The following OR2T33 variants were observed in gnomAD, a reference collection of about 807,000 sequenced individuals.
The protein encoded by OR2T33 is olfactory receptor family 2 subfamily T member 33.
Under a neutral mutation model 14.0 loss-of-function variants are expected in OR2T33, and 10 were observed. That is an observed-to-expected ratio of 0.72 (90% CI 0.44 to 1.22). The LOEUF (loss-of-function observed/expected upper bound fraction) is 1.22, where lower values mean the gene tolerates loss of function less well. Among genes scored for constraint, OR2T33 ranks in the 50% most tolerant of loss-of-function variants. The pLI is 0.00. For synonymous variants in OR2T33, 103 were observed against 159.4 expected (o/e 0.65, Z 2.66); for missense variants, 276 against 405.9 (o/e 0.68, Z 2.75).
intron 1 of OR2T33, among the ~76,000 whole-genome samples, chr1:248,277,519 A>T (rs1659461096): frequency 6.6e-6 from 1 of 152,146 alleles, no homozygotes; most frequent in Admixed American, 6.6e-5. Flanking sequence ...TGACTTAATT[A>T]ACAACTTTAT....
At chr1:248,277,595 C>T (rs115627508) in intron 1 of OR2T33, among the ~76,000 whole-genome samples, 170 bp downstream of exon 1, 1,572 of 152,126 alleles carry the variant, frequency 0.01, 24 homozygotes, top group African/African-American at 0.036. Flanking sequence ...CAAAACACCC[C>T]GTGGATGACA....
chr1:248,277,487 C>T (rs767368468), intron 1 of OR2T33, among the ~76,000 whole-genome samples: 4 of 152,044 alleles, frequency 2.6e-5, no homozygotes, highest in African/African-American at 7.2e-5. Context: ...GAAAAGAATC[C>T]TCTAATACAA....
In OR2T33 at chr1:248,271,019, A is replaced by T. The variant is rs1005797378; in HGVS notation, c.*1833T>A. The T allele has an allele frequency of 1.3e-5, 2 of 152,216 alleles. No homozygotes were observed. Among genetic ancestry groups the T allele is most frequent in the Non-Finnish European group, 2.9e-5 (2 of 68,026 alleles). The allele number at this position is 152,216 out of a possible 1,614,324, so 9.4% of individuals were successfully genotyped here. Reference sequence around the variant, plus strand: ...TTACATATATCAATGACTGGTCAGCATCTAAGAAGGCACTGAACTTCATTA... The same window carrying T: ...TTACATATATCAATGACTGGTCAGCTTCTAAGAAGGCACTGAACTTCATTA... On this transcript the variant is annotated 3_prime_UTR_variant, in exon 2 of 2. Coordinates refer to ENST00000641220, the MANE Select transcript of OR2T33 (RefSeq NM_001004695.2).
In OR2T33 at chr1:248,271,589, C is replaced by G. The variant is rs573780873; in HGVS notation, c.*1263G>C. 3.3e-5 allele frequency: 5 copies of G among 152,250 alleles called. No individual in the cohort carries two copies. The East Asian group carries it at 7.7e-4, about 23-fold the overall frequency. The allele number at this position is 152,250 out of a possible 1,614,324, so 9.4% of individuals were successfully genotyped here. Reference sequence around the variant, plus strand: ...TATTACTGCTTTGGAACCTGAAGCTCTAGATGAAGCAGAAAACTCCTTTCA... The same window carrying G: ...TATTACTGCTTTGGAACCTGAAGCTGTAGATGAAGCAGAAAACTCCTTTCA... On this transcript the variant is annotated 3_prime_UTR_variant, in exon 2 of 2. Transcript: ENST00000641220.
chr1:248,270,456 CAT>C lies in OR2T33; in HGVS notation c.*2394_*2395del. 1 of 152,200 alleles carries C rather than the reference CAT, an allele frequency of 6.6e-6. No individual in the cohort carries two copies. Among genetic ancestry groups the C allele is most frequent in the African/African-American group, 2.4e-5 (1 of 41,532 alleles). 9.4% of individuals were successfully genotyped at this position (152,200 alleles called of 1,614,324 possible). ...GTGAAAGAAGCCAGACATAAAAGCT[CAT>C]ATCTTTTATGATTCCGTTTACATAA... On this transcript the variant is annotated 3_prime_UTR_variant, in exon 2 of 2. Coordinates refer to ENST00000641220, the MANE Select transcript of OR2T33 (RefSeq NM_001004695.2).
At position 248,270,558 on chromosome 1, in the gene OR2T33, A is replaced by T. The variant is rs1300331687; in HGVS notation, c.*2294T>A. 1.3e-5 allele frequency: 2 copies of T among 152,136 alleles called. No homozygotes were observed. The highest frequency in any genetic ancestry group is 4.8e-5 in the African/African-American group (2 of 41,414). The allele number at this position is 152,136 out of a possible 1,614,324, so 9.4% of individuals were successfully genotyped here. On this transcript the variant is annotated 3_prime_UTR_variant, in exon 2 of 2. Coordinates refer to ENST00000641220, the MANE Select transcript of OR2T33 (RefSeq NM_001004695.2). ...GCTAGGGGCTGAAATGGGGAGAAAA[A>T]CTGCTTAATGGATGAGGGGTTTTAC...
rs1166496386 is a variant in OR2T33 at position 248,270,005 on chromosome 1, A to T, written c.*2847T>A. On this transcript the variant is annotated 3_prime_UTR_variant, in exon 2 of 2. Coordinates refer to ENST00000641220, the MANE Select transcript of OR2T33 (RefSeq NM_001004695.2). ...TGAGGCAGTATTCACAACAGCAAAG[A>T]CTTGGAACCAACACAAATTTCCAGC... is the stretch of plus-strand genomic sequence containing the variant. 3 of 152,190 alleles carry T rather than the reference A, an allele frequency of 2.0e-5. No homozygotes were observed. Among genetic ancestry groups the T allele is most frequent in the Non-Finnish European group, 4.4e-5 (3 of 68,050 alleles). The allele number at this position is 152,190 out of a possible 1,614,324, so 9.4% of individuals were successfully genotyped here.
At chr1:248,277,340 G>A (rs1220992121) in intron 1 of OR2T33, among the ~76,000 whole-genome samples, 4 of 151,914 alleles carry the variant, frequency 2.6e-5, no homozygotes. Context: ...TCACTGTTCT[G>A]GAACAATAGA....
In OR2T33 at chr1:248,272,591, T is replaced by C; in HGVS notation, c.*261A>G. On this transcript the variant is annotated 3_prime_UTR_variant, in exon 2 of 2. Coordinates refer to ENST00000641220, the MANE Select transcript of OR2T33 (RefSeq NM_001004695.2). Reference sequence around the variant, plus strand: ...TGCATTAATTTCTTTTTTTAGAAAGTAGGAGATATTGTCAACAGTACTTAT... The same window carrying C: ...TGCATTAATTTCTTTTTTTAGAAAGCAGGAGATATTGTCAACAGTACTTAT... 2.5e-6 allele frequency: 1 copy of C among 393,712 alleles called. No homozygotes were observed. The allele number at this position is 393,712 out of a possible 1,614,324, so 24.4% of individuals were successfully genotyped here.
rs1232406654 is a variant in OR2T33 at position 248,272,221 on chromosome 1, AAT to A, written c.*629_*630del. On this transcript the variant is annotated 3_prime_UTR_variant, in exon 2 of 2. Transcript: ENST00000641220. ...ATTACAATGAGGCCCTGGAAAAAAA[AAT>A]ACTTAAATGAAAGGTTACATAAATT... 2.0e-5 allele frequency: 3 copies of A among 152,210 alleles called. No individual in the cohort carries two copies. Among genetic ancestry groups the A allele is most frequent in the African/African-American group, 4.8e-5 (2 of 41,448 alleles). 9.4% of individuals were successfully genotyped at this position (152,210 alleles called of 1,614,324 possible).
intron 1 of OR2T33, among the ~76,000 whole-genome samples, chr1:248,275,794 A>G (rs977866597): frequency 6.6e-6 from 1 of 151,960 alleles, no homozygotes; most frequent in Admixed American, 6.6e-5. Flanking sequence ...TAGGTGTACC[A>G]TTGCTGGTAT....
intron 1 of OR2T33, among the ~76,000 whole-genome samples, chr1:248,276,989 C>G (rs771432695): frequency 2.0e-5 from 3 of 151,738 alleles, no homozygotes; most frequent in Non-Finnish European, 2.9e-5. Flanking sequence ...ATAATGTGAA[C>G]AGATGCTTAT....
At position 248,270,663 on chromosome 1, in the gene OR2T33, T is replaced by C. The variant is rs1438444085; in HGVS notation, c.*2189A>G. On this transcript the variant is annotated 3_prime_UTR_variant, in exon 2 of 2. Coordinates refer to ENST00000641220, the MANE Select transcript of OR2T33 (RefSeq NM_001004695.2). ...AATGTAGTAAATGCCACTGAGTTGTTCACATTAAAATGCTAATTTCATGTT... is the reference window on the plus strand; with the variant it reads ...AATGTAGTAAATGCCACTGAGTTGTCCACATTAAAATGCTAATTTCATGTT... 6.6e-6 allele frequency: 1 copy of C among 152,088 alleles called. No homozygotes were observed. The highest frequency in any genetic ancestry group is 1.5e-5 in the Non-Finnish European group (1 of 68,032). 9.4% of individuals were successfully genotyped at this position (152,088 alleles called of 1,614,324 possible).
At position 248,272,120 on chromosome 1, in the gene OR2T33, T is replaced by C. The variant is rs1245317834; in HGVS notation, c.*732A>G. The C allele has an allele frequency of 2.6e-5, 4 of 152,192 alleles. No individual in the cohort carries two copies. The highest frequency in any genetic ancestry group is 9.7e-5 in the African/African-American group (4 of 41,450). The allele number at this position is 152,192 out of a possible 1,614,324, so 9.4% of individuals were successfully genotyped here. A position where few individuals can be genotyped will look rare whatever the true frequency, so the allele number is the denominator to read the frequency against. Reference sequence around the variant, plus strand: ...CAGAGTTCATATCGATGGAGGTATGTCAATAAGTCAAGGTAACCTTAAAGC... The same window carrying C: ...CAGAGTTCATATCGATGGAGGTATGCCAATAAGTCAAGGTAACCTTAAAGC... On this transcript the variant is annotated 3_prime_UTR_variant, in exon 2 of 2. Coordinates refer to ENST00000641220, the MANE Select transcript of OR2T33 (RefSeq NM_001004695.2).
rs1342565545 is a variant in OR2T33, at chr1:248,271,676, A to T, written c.*1176T>A. ...GGCCAGAAATGGCAGGTTAACTTTC[A>T]GACACTTATATTGAAGATACACTGT... On this transcript the variant is annotated 3_prime_UTR_variant, in exon 2 of 2. Transcript: ENST00000641220. 2.0e-5 allele frequency: 3 copies of T among 152,216 alleles called. No individual in the cohort carries two copies. In the East Asian group the frequency reaches 5.8e-4, roughly 29 times the overall value. The allele number at this position is 152,216 out of a possible 1,614,324, so 9.4% of individuals were successfully genotyped here. A position where few individuals can be genotyped will look rare whatever the true frequency, so the allele number is the denominator to read the frequency against.
intron 1 of OR2T33, among the ~76,000 whole-genome samples, chr1:248,275,085 T>C (rs1042042772): frequency 1.1e-4 from 17 of 152,340 alleles, no homozygotes; most frequent in South Asian, 6.2e-4. Flanking sequence ...TTTCCCACTT[T>C]TATTCATAGA....
chr1:248,276,819 G>T (rs1253785198), intron 1 of OR2T33, among the ~76,000 whole-genome samples: 1 of 151,950 alleles, frequency 6.6e-6, no homozygotes, highest in African/African-American at 2.4e-5. Flanking sequence ...TCTTCTTTCA[G>T]GTATACAGAG....
intron 1 of OR2T33, among the ~76,000 whole-genome samples, chr1:248,275,724 C>T (rs561181109): frequency 8.4e-6 from 1 of 118,504 alleles, no homozygotes; most frequent in East Asian, 2.9e-4. Flanking sequence ...ATAGAGTGTG[C>T]AGAGAAGCAC....
At chr1:248,274,654 T>C (rs571637338) in intron 1 of OR2T33, among the ~76,000 whole-genome samples, 37 of 152,284 alleles carry the variant, frequency 2.4e-4, no homozygotes, top group African/African-American at 8.9e-4. Context: ...ATCTTTGATA[T>C]TGATAAATGC....
Sources: allele counts gnomAD v4.1 joint callset (sites outside exome capture counted in the v4.1 genomes callset), GRCh38; gene constraint gnomAD v4.1.1; transcripts MANE v1.5; gene names NCBI Gene and HGNC (gene_info 2026-07-23, HGNC 2026-07-21).